The following MDGA2 variants were observed in gnomAD, a reference collection of about 807,000 sequenced individuals.
MDGA2 encodes the protein MAM domain-containing glycosylphosphatidylinositol anchor protein 2.
In MDGA2, 40 loss-of-function variants were observed where a neutral mutation model predicts 117.8. That is an observed-to-expected ratio of 0.34 (90% CI 0.26 to 0.44). The LOEUF is 0.44. MDGA2 is among the 20% of genes least tolerant of loss of function. The probability of loss-of-function intolerance (pLI) is 1.00; values close to 1 mark genes in which losing one functional copy is unlikely to be tolerated. For synonymous variants in MDGA2, 452 were observed against 439.0 expected (o/e 1.03, Z -0.37); for missense variants, 1,123 against 1,250.6 (o/e 0.90, Z 1.54).
intron 5 of MDGA2, among the ~76,000 whole-genome samples, chr14:47,126,934 C>A (rs1386188360): frequency 6.6e-6 from 1 of 152,084 alleles, no homozygotes; most frequent in Non-Finnish European, 1.5e-5. Context: ...GGTCCATAGA[C>A]TGACTGCAAT....
chr14:47,497,459 T>C (rs1371267801), intron 1 of MDGA2, among the ~76,000 whole-genome samples: 2 of 152,118 alleles, frequency 1.3e-5, no homozygotes, highest in Admixed American at 6.6e-5. Flanking sequence ...GGTCTCACCA[T>C]GTTGGCCAGG....
At chr14:47,058,992 C>T (rs1335412160) in intron 7 of MDGA2, 1 of 989,574 alleles carries the variant, frequency 1.0e-6, no homozygotes, top group Non-Finnish European at 1.2e-6. Flanking sequence ...AGGAGCTGCT[C>T]CTGTCTTTGG....
At chr14:47,081,658 A>G (rs1890713168) in intron 6 of MDGA2, among the ~76,000 whole-genome samples, 1 of 152,162 alleles carries the variant, frequency 6.6e-6, no homozygotes, top group South Asian at 2.1e-4. Context: ...ACCATATATC[A>G]TATGTTAACT....
intron 1 of MDGA2, among the ~76,000 whole-genome samples, chr14:47,425,761 T>TA (rs1892675306): frequency 6.6e-6 from 1 of 152,158 alleles, no homozygotes; most frequent in Non-Finnish European, 1.5e-5. Context: ...TTTGACATGT[T>TA]AGACTTTTAA....
At chr14:47,125,872 T>C (rs181068212) in intron 5 of MDGA2, among the ~76,000 whole-genome samples, 4 of 152,164 alleles carry the variant, frequency 2.6e-5, no homozygotes, top group African/African-American at 9.6e-5. Flanking sequence ...CATCCTAATA[T>C]AGGTAACCTA....
chr14:46,967,311 C>T lies in MDGA2; in HGVS notation c.1820-9668G>A, dbSNP rs138801977. On this transcript the variant is annotated intron_variant, in intron 8 of 16. Coordinates refer to ENST00000399232, the MANE Select transcript of MDGA2 (RefSeq NM_001113498.3). ...TGTACTCATTAGAGTGATTTCCTCT[C>T]GAGCCACATCTTCCCAAGTCAAAAG... Among the ~76,000 whole-genome samples, 913 of 152,114 alleles carry T rather than the reference C, an allele frequency of 6.0e-3. 2 individuals are homozygous for T. Among genetic ancestry groups the T allele is most frequent in the East Asian group, 0.019 (96 of 5,168 alleles).
At chr14:47,525,100 G>A (rs1329794426) in intron 1 of MDGA2, among the ~76,000 whole-genome samples, 2 of 152,108 alleles carry the variant, frequency 1.3e-5, no homozygotes, top group Non-Finnish European at 1.5e-5. Flanking sequence ...TGCCTATGTT[G>A]AGTCACAAAT....
intron 9 of MDGA2, among the ~76,000 whole-genome samples, chr14:46,937,108 A>G (rs1396608234): frequency 2.0e-5 from 3 of 152,142 alleles, no homozygotes; most frequent in Non-Finnish European, 4.4e-5. Flanking sequence ...AGGACACAAT[A>G]TCAGCTTACA....
chr14:47,106,090 G>T (rs1256763610), intron 5 of MDGA2, among the ~76,000 whole-genome samples: 1 of 151,966 alleles, frequency 6.6e-6, no homozygotes, highest in Non-Finnish European at 1.5e-5. Flanking sequence ...TAGCGTTTAG[G>T]CTTTTTTTCA....
chr14:47,542,756 T>C lies in MDGA2; in HGVS notation c.280+131761A>G, dbSNP rs571995221. On this transcript the variant is annotated intron_variant, in intron 1 of 16. Transcript: ENST00000399232. Reference sequence around the variant, plus strand: ...TTTAAAAAAATTTTGACAAAACAATTCTAAGGTGCTATTATAAAAATGCTA... The same window carrying C: ...TTTAAAAAAATTTTGACAAAACAATCCTAAGGTGCTATTATAAAAATGCTA... Among the ~76,000 whole-genome samples the C allele has an allele frequency of 2.0e-5, 3 of 152,300 alleles. No individual in the cohort carries two copies. In the East Asian group the frequency reaches 5.8e-4, roughly 29 times the overall value.
intron 1 of MDGA2, among the ~76,000 whole-genome samples, chr14:47,551,677 A>G (rs1895584398): frequency 6.6e-6 from 1 of 152,226 alleles, no homozygotes; most frequent in African/African-American, 2.4e-5. Flanking sequence ...AAATATTAAT[A>G]GATGCAAAGC....
At chr14:47,157,998 A>G (rs1056409303) in intron 3 of MDGA2, among the ~76,000 whole-genome samples, 2 of 113,346 alleles carry the variant, frequency 1.8e-5, no homozygotes, top group Admixed American at 1.1e-4. Flanking sequence ...AGACTAATAC[A>G]GTATCTATAC....
At chr14:47,062,504 T>C (rs1320249542) in intron 6 of MDGA2, among the ~76,000 whole-genome samples, 6 of 151,722 alleles carry the variant, frequency 4.0e-5, no homozygotes, top group African/African-American at 1.2e-4. Flanking sequence ...TTTTTCTTTT[T>C]TTTTTTTTTC....
Position 46,882,192 on chromosome 14 carries a change from C to A in MDGA2, c.2268G>T (p.Glu756Asp). 6.2e-7 allele frequency: 1 copy of A among 1,611,660 alleles called. No homozygotes were observed. The highest frequency in any genetic ancestry group is 8.5e-7 in the Non-Finnish European group (1 of 1,178,622). Residue 756 changes from glutamate (E) to aspartate (D), a missense_variant, in exon 11 of 17, where the codon GAG becomes GAT. By Grantham distance (45) the Glu-to-Asp change is conservative (BLOSUM62 2). Around this residue, in one of 2 missense-constraint regions of MDGA2, gnomAD observed 890 missense variants for 1,050.3 expected, o/e 0.85. Transcript: ENST00000399232. The stretch of plus-strand genomic sequence containing the variant: ...TTTGAATATTCCCATTTATTTTAAT[C>A]TCCTGCTCCCACCAGCGCTGCTGTC... ...QAGQQRWWEQ[E>D]IKINGNIQKG...
chr14:47,169,179 C>G (rs546671762), intron 3 of MDGA2, among the ~76,000 whole-genome samples: 11 of 152,118 alleles, frequency 7.2e-5, no homozygotes, highest in African/African-American at 2.4e-4. Flanking sequence ...CCCTTCAACA[C>G]AGGCATGCTG....
At chr14:47,437,194 T>C (rs1444536608) in intron 1 of MDGA2, among the ~76,000 whole-genome samples, 1 of 152,078 alleles carries the variant, frequency 6.6e-6, no homozygotes, top group Non-Finnish European at 1.5e-5. Context: ...CATATAACTG[T>C]ATGAAATAAT....
chr14:47,283,045 G>A (rs1310005794), intron 2 of MDGA2, among the ~76,000 whole-genome samples: 2 of 152,212 alleles, frequency 1.3e-5, no homozygotes, highest in Non-Finnish European at 2.9e-5. Context: ...TAGTGATGAA[G>A]TCATCACATA....
At chr14:47,495,764 A>G (rs188660603) in intron 1 of MDGA2, among the ~76,000 whole-genome samples, 27 of 152,298 alleles carry the variant, frequency 1.8e-4, no homozygotes, top group Admixed American at 1.5e-3. Flanking sequence ...GTGATCATTT[A>G]ATAGAAGGAA....
Position 47,557,063 on chromosome 14 carries a change from C to G in MDGA2, c.280+117454G>C, listed in dbSNP as rs557427007. 2.4e-4 allele frequency among the ~76,000 whole-genome samples: 36 copies of G among 152,294 alleles called. No homozygotes were observed. The South Asian group carries it at 6.8e-3, about 29-fold the overall frequency. ...ATGGCATAGCTTCTTTGGGAGGGAA[C>G]AACCATGCATTTGGAATCTTTCCAT... On this transcript the variant is annotated intron_variant, in intron 1 of 16. Coordinates refer to ENST00000399232, the MANE Select transcript of MDGA2 (RefSeq NM_001113498.3).
Sources: gnomAD v4.1 joint callset for allele counts (sites outside exome capture counted in the v4.1 genomes callset) on GRCh38, gnomAD v4.1.1 for gene constraint, gnomAD v4.1.1 regional missense constraint, MANE v1.5 for transcripts, NCBI Gene and HGNC (gene_info 2026-07-23, HGNC 2026-07-21) for gene names.